The following CCT5 variants were observed in gnomAD, a reference collection of about 807,000 sequenced individuals.
CCT5 encodes T-complex protein 1 subunit epsilon.
CCT5 carries 6 observed loss-of-function variants against 55.0 expected under a neutral mutation model. The observed-to-expected ratio is 0.11, with a 90% CI of 0.06 to 0.22. The LOEUF is 0.22. Among genes scored for constraint, CCT5 ranks in the 10% least tolerant of loss-of-function variants. CCT5 has a pLI of 1.00. For missense variants in CCT5, 560 were observed against 694.6 expected (o/e 0.81, Z 2.18); for synonymous variants, 231 against 243.7 (o/e 0.95, Z 0.49).
At chr5:10,262,082 C>G (rs1429979287) in intron 8 of CCT5, 2 of 394,186 alleles carry the variant, frequency 5.1e-6, no homozygotes, top group Non-Finnish European at 9.6e-6. Context: ...CTAGCCCTAG[C>G]AACATAAGAC....
At position 10,258,250 on chromosome 5, in the gene CCT5, C is replaced by G. The variant is rs925661175; in HGVS notation, c.670C>G (p.Leu224Val). 8.7e-6 allele frequency: 14 copies of G among 1,614,108 alleles called. No homozygotes were observed. The highest frequency in any genetic ancestry group is 1.7e-5 in the Admixed American group (1 of 60,002). Residue 224 changes from leucine (L) to valine (V), a missense_variant, in exon 5 of 11, where the codon CTG becomes GTG. Leu to Val is a conservative substitution (Grantham distance 32). Coordinates refer to ENST00000280326, the MANE Select transcript of CCT5 (RefSeq NM_012073.5). Reference protein sequence around the residue: ...KVGGRLEDTKLIKGVIVDKDF... With the variant: ...KVGGRLEDTKVIKGVIVDKDF... ...GGGCGGCAGGCTGGAGGACACTAAA[C>G]TGATTAAGGGCGTGATTGTGGACAA...
intron 1 of CCT5, among the ~76,000 whole-genome samples, chr5:10,253,298 C>T (rs1477394487): frequency 6.7e-6 from 1 of 148,480 alleles, no homozygotes; most frequent in African/African-American, 2.5e-5. Context: ...CACTGCACTC[C>T]AGCCTTTTTG....
intron 6 of CCT5, among the ~76,000 whole-genome samples, chr5:10,259,699 G>A (rs911079930): frequency 1.3e-5 from 2 of 152,222 alleles, no homozygotes; most frequent in Admixed American, 1.3e-4. Flanking sequence ...CAGCCTCAGG[G>A]ATTGAAGCAT....
At chr5:10,264,585 T>C in intron 10 of CCT5, 71 bp from the exon 11 acceptor site, 2 of 1,032,960 alleles carry the variant, frequency 1.9e-6, no homozygotes, top group South Asian at 2.5e-5. Context: ...ATTCCCTAAA[T>C]CAGAAAGAGT....
chr5:10,263,851 A>G (rs1746099862), intron 10 of CCT5, among the ~76,000 whole-genome samples: 1 of 152,240 alleles, frequency 6.6e-6, no homozygotes, highest in South Asian at 2.1e-4. Flanking sequence ...ACAGAATGAC[A>G]GCTTTTGCTT....
At chr5:10,257,978 G>T in intron 4 of CCT5, 133 bp from the exon 5 acceptor site, 1 of 911,218 alleles carries the variant, frequency 1.1e-6, no homozygotes, top group Non-Finnish European at 1.7e-6. Flanking sequence ...AATGCAGGTT[G>T]AGATGGCATT....
intron 6 of CCT5, among the ~76,000 whole-genome samples, chr5:10,259,261 C>T (rs2438653): frequency 0.74 from 112,017 of 151,780 alleles, 43,521 homozygotes; most frequent in East Asian, 0.87. Flanking sequence ...TTCTCTCTGA[C>T]ATAGCAACTC....
In CCT5 at chr5:10,261,475, T is replaced by A. The variant is rs1272357889; in HGVS notation, c.994-85T>A. 9.0e-6 allele frequency: 12 copies of A among 1,327,092 alleles called. No homozygotes were observed. The East Asian group carries it at 2.8e-4, about 31-fold the overall frequency. 82.2% of individuals were successfully genotyped at this position (1,327,092 alleles called of 1,614,324 possible). ...TTCTAGTGAACAAGTTGGTCTTAGA[T>A]CAAGTTTTGCTCATTTGTGGCCCAG... On this transcript the variant is annotated intron_variant, in intron 7 of 10. Coordinates refer to ENST00000280326, the MANE Select transcript of CCT5 (RefSeq NM_012073.5).
intron 6 of CCT5, among the ~76,000 whole-genome samples, chr5:10,260,333 T>C (rs889076968): frequency 6.6e-6 from 1 of 152,212 alleles, no homozygotes; most frequent in Non-Finnish European, 1.5e-5. Context: ...CGAATTAGTT[T>C]ATGGATCCAC....
chr5:10,252,507 T>G (rs1207486723), intron 1 of CCT5, among the ~76,000 whole-genome samples: 2 of 150,934 alleles, frequency 1.3e-5, no homozygotes, highest in East Asian at 3.9e-4. Context: ...CCCAGAACTT[T>G]GGGAGGCTGA....
chr5:10,251,435 G>A (rs554181487), intron 1 of CCT5, among the ~76,000 whole-genome samples: 142 of 152,260 alleles, frequency 9.3e-4, no homozygotes, highest in Non-Finnish European at 1.1e-3. Flanking sequence ...AAATGCAGAG[G>A]AAGGGACACT....
intron 6 of CCT5, among the ~76,000 whole-genome samples, chr5:10,259,369 T>C (rs1579453266): frequency 6.6e-6 from 1 of 152,222 alleles, no homozygotes; most frequent in South Asian, 2.1e-4. Context: ...GCAAACCAAC[T>C]AGAGACTATT....
chr5:10,250,978 G>A (rs1745368958), intron 1 of CCT5: 2 of 575,680 alleles, frequency 3.5e-6, no homozygotes, highest in Non-Finnish European at 4.4e-6. Context: ...AAAAACGGAC[G>A]CACATAACCG....
chr5:10,253,718 C>T (rs547533234), intron 1 of CCT5, among the ~76,000 whole-genome samples: 9 of 152,292 alleles, frequency 5.9e-5, no homozygotes, highest in African/African-American at 2.2e-4. Flanking sequence ...TTTGGGTATC[C>T]TCGGGGGCTC....
At chr5:10,252,007 G>A (rs2607298) in intron 1 of CCT5, among the ~76,000 whole-genome samples, 111,839 of 152,208 alleles carry the variant, frequency 0.73, 43,469 homozygotes, top group East Asian at 0.87. Context: ...CTGAAGAGCA[G>A]TTGCTACTAA....
intron 3 of CCT5, 33 bp downstream of exon 3, chr5:10,254,871 A>G: frequency 1.9e-6 from 3 of 1,589,208 alleles, no homozygotes; most frequent in Non-Finnish European, 2.6e-6. Flanking sequence ...TTCTCATTTA[A>G]GAGACGTCAT....
At chr5:10,258,786 T>C (rs1338614193) in intron 6 of CCT5, among the ~76,000 whole-genome samples, 1 of 152,118 alleles carries the variant, frequency 6.6e-6, no homozygotes, top group African/African-American at 2.4e-5. Flanking sequence ...GATCGTGAGA[T>C]CATCGAGACC....
At chr5:10,264,353 G>A (rs1561053157) in intron 10 of CCT5, among the ~76,000 whole-genome samples, 1 of 152,182 alleles carries the variant, frequency 6.6e-6, no homozygotes, top group Non-Finnish European at 1.5e-5. Context: ...GATTTCCTAA[G>A]TTAGGGTATG....
At chr5:10,254,288 A>G (rs1745567574) in intron 2 of CCT5, 83 bp downstream of exon 2, 10 of 997,058 alleles carry the variant, frequency 1.0e-5, no homozygotes, top group Non-Finnish European at 1.6e-5. Context: ...AGAAAGGTGG[A>G]GTATTGAGGG....
Sources: allele counts gnomAD v4.1 joint callset (sites outside exome capture counted in the v4.1 genomes callset), GRCh38; gene constraint gnomAD v4.1.1; transcripts MANE v1.5; gene names NCBI Gene and HGNC (gene_info 2026-07-23, HGNC 2026-07-21).